Variants in PDPK1 observed in about 807,000 individuals in gnomAD.
The protein encoded by PDPK1 is 3-phosphoinositide-dependent protein kinase 1.
In PDPK1, 7 loss-of-function variants were observed where a neutral mutation model predicts 39.8. The ratio of observed to expected loss-of-function variants is 0.18; its 90% confidence interval spans 0.10 to 0.33. PDPK1 has a LOEUF of 0.33. Among genes scored for constraint, PDPK1 ranks in the 10% least tolerant of loss-of-function variants. The pLI is 1.00. For synonymous variants in PDPK1, 118 were observed against 159.1 expected (o/e 0.74, Z 1.95); for missense variants, 182 against 384.7 (o/e 0.47, Z 4.41).
intron 1 of PDPK1, among the ~76,000 whole-genome samples, chr16:2,539,814 A>G (rs553243349): frequency 4.6e-5 from 7 of 152,194 alleles, no homozygotes; most frequent in Non-Finnish European, 1.0e-4. Context: ...CGCTGTTCCA[A>G]TGCAAGGTGT....
Position 2,597,717 on chromosome 16 carries a change from G to A in PDPK1, c.1621G>A (p.Glu541Lys), listed in dbSNP as rs1488966394. 1.9e-6 allele frequency: 3 copies of A among 1,613,572 alleles called. No homozygotes were observed. The highest frequency in any genetic ancestry group is 1.3e-5 in the African/African-American group (1 of 74,930). ...NAHKWCRKIQEVWRQRYQSHP... is the reference protein window; with the variant it reads ...NAHKWCRKIQKVWRQRYQSHP... ...ACACAAGTGGTGCAGGAAGATCCAG[G>A]AGGTTTGGAGGCAGCGATACCAGAG... Residue 541 changes from glutamate to lysine, a missense_variant, in exon 14 of 14, where the codon GAG (glutamate) becomes AAG (lysine). Glu to Lys is a moderately conservative substitution (Grantham distance 56). Transcript: ENST00000342085. The surrounding 1 kb of genome is among the most constrained non-coding windows in gnomAD (Gnocchi z 6.3).
In PDPK1 at chr16:2,598,374, C is replaced by T. The variant is rs1240404600; in HGVS notation, c.*607C>T. On this transcript the variant is annotated 3_prime_UTR_variant, in exon 14 of 14. Transcript: ENST00000342085. ...CATATCCCTGTGGTGGCTCTGGTGG[C>T]AGCTTTCTGTGGCCCCTGCTGTGTT... 2 of 234,186 alleles carry T rather than the reference C, an allele frequency of 8.5e-6. No individual in the cohort carries two copies. Among genetic ancestry groups the T allele is most frequent in the Non-Finnish European group, 1.7e-5 (2 of 118,822 alleles). The allele number at this position is 234,186 out of a possible 1,614,324, so 14.5% of individuals were successfully genotyped here. A position where few individuals can be genotyped will look rare whatever the true frequency, so the allele number is the denominator to read the frequency against.
intron 10 of PDPK1, among the ~76,000 whole-genome samples, chr16:2,586,391 G>C (rs1377222327): frequency 1.3e-5 from 2 of 152,248 alleles, no homozygotes; most frequent in East Asian, 3.8e-4. Context: ...GGCCCGCAGG[G>C]TAAGGGCCCA....
At chr16:2,595,916 G>A (rs371668160) in intron 12 of PDPK1, 66 bp downstream of exon 12, 4 of 1,214,912 alleles carry the variant, frequency 3.3e-6, no homozygotes, top group African/African-American at 1.5e-5. Flanking sequence ...CAGCTTAGGG[G>A]AGGGCAGCTT....
rs2067203887 is a variant in PDPK1, at chr16:2,600,922, T to C, written c.*3155T>C. On this transcript the variant is annotated 3_prime_UTR_variant, in exon 14 of 14. Coordinates refer to ENST00000342085, the MANE Select transcript of PDPK1 (RefSeq NM_002613.5). ...GTTTGCATCGTCTTCTCCCTTGATATTTTAAGCATTTTCCCATGTCATGAG... is the reference window on the plus strand; with the variant it reads ...GTTTGCATCGTCTTCTCCCTTGATACTTTAAGCATTTTCCCATGTCATGAG... 4.5e-6 allele frequency: 1 copy of C among 222,922 alleles called. No individual in the cohort carries two copies. The highest frequency in any genetic ancestry group is 8.7e-6 in the Non-Finnish European group (1 of 114,918). 13.8% of individuals were successfully genotyped at this position (222,922 alleles called of 1,614,324 possible). A position where few individuals can be genotyped will look rare whatever the true frequency, so the allele number is the denominator to read the frequency against.
intron 1 of PDPK1, among the ~76,000 whole-genome samples, chr16:2,541,215 C>A (rs2066239191): frequency 6.6e-6 from 1 of 152,204 alleles, no homozygotes; most frequent in Non-Finnish European, 1.5e-5. Flanking sequence ...CTCTTCTTGA[C>A]AGGTCTTGGC....
chr16:2,538,176 C>T (rs1261192395), intron 1 of PDPK1, 40 bp downstream of exon 1: 6 of 1,038,708 alleles, frequency 5.8e-6, no homozygotes, highest in Non-Finnish European at 7.0e-6. Flanking sequence ...CGGTTTGTTA[C>T]CCTGCCGGGT....
rs2067188566 is a variant in PDPK1 at position 2,600,165 on chromosome 16, G to A, written c.*2398G>A. ...CCTTAGAGCCATCACCTGGCACGCA[G>A]GCGCCTTACATTCTACGGTAGAACG... On this transcript the variant is annotated 3_prime_UTR_variant, in exon 14 of 14. Transcript: ENST00000342085. 4.3e-6 allele frequency: 1 copy of A among 233,280 alleles called. No individual in the cohort carries two copies. Among genetic ancestry groups the A allele is most frequent in the Non-Finnish European group, 8.5e-6 (1 of 118,038 alleles). The allele number at this position is 233,280 out of a possible 1,614,324, so 14.5% of individuals were successfully genotyped here.
Position 2,597,834 on chromosome 16 carries a change from C to G in PDPK1, c.*67C>G, listed in dbSNP as rs759166098. On this transcript the variant is annotated 3_prime_UTR_variant, in exon 14 of 14. Coordinates refer to ENST00000342085, the MANE Select transcript of PDPK1 (RefSeq NM_002613.5). This position sits in a 1 kb window ranked among gnomAD's most constrained non-coding sequence, Gnocchi z 6.3. ...GCCCCAGCGCGGCTTGGCCGCCATC[C>G]GGGACGCTTCCAGACCACCTGCCAG... 1 of 1,064,292 alleles carries G rather than the reference C, an allele frequency of 9.4e-7. No homozygotes were observed. Among genetic ancestry groups the G allele is most frequent in the African/African-American group, 1.6e-5 (1 of 64,188 alleles). 65.9% of individuals were successfully genotyped at this position (1,064,292 alleles called of 1,614,324 possible). A position where few individuals can be genotyped will look rare whatever the true frequency, so the allele number is the denominator to read the frequency against.
At chr16:2,546,699 C>G (rs1032964850) in intron 1 of PDPK1, among the ~76,000 whole-genome samples, 5 of 152,214 alleles carry the variant, frequency 3.3e-5, no homozygotes, top group African/African-American at 7.2e-5. Context: ...CTCCTGGTCT[C>G]TTTCCTGCTT....
chr16:2,575,725 C>T (rs1484863142), intron 6 of PDPK1: 1 of 130,732 alleles, frequency 7.6e-6, no homozygotes, highest in Admixed American at 7.2e-5. Context: ...TTGCAGGAAG[C>T]TTAGAACAGC....
Position 2,602,842 on chromosome 16 carries a change from T to G in PDPK1, c.*5075T>G, listed in dbSNP as rs1489349559. On this transcript the variant is annotated 3_prime_UTR_variant, in exon 14 of 14. Transcript: ENST00000342085. ...TAGGATATACACTTTTGTATTTTTA[T>G]TCTTATATAAGGTTATTTGCTGGCT... 1 of 233,858 alleles carries G rather than the reference T, an allele frequency of 4.3e-6. No homozygotes were observed. The highest frequency in any genetic ancestry group is 8.5e-6 in the Non-Finnish European group (1 of 117,806). The allele number at this position is 233,858 out of a possible 1,614,324, so 14.5% of individuals were successfully genotyped here.
chr16:2,597,042 G>C lies in PDPK1; in HGVS notation c.1402-81G>C. The C allele has an allele frequency of 8.3e-7, 1 of 1,204,362 alleles. No individual in the cohort carries two copies. Among genetic ancestry groups the C allele is most frequent in the Non-Finnish European group, 1.2e-6 (1 of 868,702 alleles). The allele number at this position is 1,204,362 out of a possible 1,614,324, so 74.6% of individuals were successfully genotyped here. On this transcript the variant is annotated intron_variant, in intron 12 of 13. Transcript: ENST00000342085. The surrounding 1 kb of genome is among the most constrained non-coding windows in gnomAD (Gnocchi z 6.3). ...GGCCCTGTGTCCTGAGCAGCTCCGA[G>C]GGGCCGCCCAGCCCTCTAGGCTCCA...
chr16:2,595,971 T>C, intron 12 of PDPK1, 121 bp downstream of exon 12: 1 of 782,552 alleles, frequency 1.3e-6, no homozygotes, highest in Non-Finnish European at 2.3e-6. Context: ...TCAGACATCA[T>C]CTCTAGATTT....
chr16:2,592,052 G>A (rs1229821045), intron 11 of PDPK1, among the ~76,000 whole-genome samples: 2 of 152,190 alleles, frequency 1.3e-5, no homozygotes, highest in East Asian at 1.9e-4. Context: ...GAGCCCTCCC[G>A]AGGGGTGGAA....
In PDPK1 at chr16:2,589,891, G is replaced by A. The variant is rs138321815; in HGVS notation, c.1343+2998G>A. Among the ~76,000 whole-genome samples, 284 of 152,316 alleles carry A rather than the reference G, an allele frequency of 1.9e-3. 8 individuals are homozygous for A. In the East Asian group the frequency reaches 0.045, roughly 24 times the overall value. ...ATTGTAGAGGCTGGAGAGGCCACAC[G>A]GTAGCTGAGAGACAAAGCCTCCGGC... is the stretch of plus-strand genomic sequence containing the variant. On this transcript the variant is annotated intron_variant, in intron 11 of 13. Transcript: ENST00000342085.
At chr16:2,551,362 G>A (rs149717010) in intron 1 of PDPK1, among the ~76,000 whole-genome samples, 338 of 151,476 alleles carry the variant, frequency 2.2e-3, no homozygotes, top group African/African-American at 7.9e-3. Context: ...TTACCAGAAT[G>A]TTCTTTGCCA....
chr16:2,592,956 C>G (rs1567168852), intron 11 of PDPK1: 2 of 456,660 alleles, frequency 4.4e-6, no homozygotes, highest in Non-Finnish European at 8.8e-6. Context: ...CTGAGCCACT[C>G]TGGGGCTTCA....
At position 2,602,289 on chromosome 16, in the gene PDPK1, T is replaced by C; in HGVS notation, c.*4522T>C. On this transcript the variant is annotated 3_prime_UTR_variant, in exon 14 of 14. Transcript: ENST00000342085. The stretch of plus-strand genomic sequence containing the variant: ...TTCAGAGCCTCTGAGGGGCCACCAC[T>C]TCTGGCCCAAAATTGCAGGGTTGTA... 1 of 234,716 alleles carries C rather than the reference T, an allele frequency of 4.3e-6. No individual in the cohort carries two copies. The highest frequency in any genetic ancestry group is 8.5e-6 in the Non-Finnish European group (1 of 118,022). 14.5% of individuals were successfully genotyped at this position (234,716 alleles called of 1,614,324 possible).
Sources: allele counts gnomAD v4.1 joint callset (sites outside exome capture counted in the v4.1 genomes callset), GRCh38; gene constraint gnomAD v4.1.1; non-coding constraint Gnocchi (gnomAD v3.1); transcripts MANE v1.5; gene names NCBI Gene and HGNC (gene_info 2026-07-23, HGNC 2026-07-21).